KDM3A: variants seen among roughly 807,000 people sequenced by gnomAD.
KDM3A encodes lysine-specific demethylase 3A.
In KDM3A, 60 loss-of-function variants were observed where a neutral mutation model predicts 158.0. The ratio of observed to expected loss-of-function variants is 0.38; its 90% CI spans 0.31 to 0.47. KDM3A has a LOEUF of 0.47. Ranked by LOEUF, KDM3A falls within the 20% of genes least tolerant of loss-of-function variation. KDM3A has a pLI of 0.99. For synonymous variants in KDM3A, 608 were observed against 549.3 expected, an observed-to-expected ratio of 1.11 and a Z score of -1.49; for missense variants, 1,319 against 1,574.3, an observed-to-expected ratio of 0.84 and a Z score of 2.74.
At position 86,485,131 on chromosome 2, in the gene KDM3A, G is replaced by A. The variant is rs1674119191; in HGVS notation, c.3182+102G>A. Reference sequence around the variant, plus strand: ...AACAGTTTTCAAGAAAATAACAAAAGTTCTGTAATTATACTGCCACTGATT... The same window carrying A: ...AACAGTTTTCAAGAAAATAACAAAAATTCTGTAATTATACTGCCACTGATT... On this transcript the variant is annotated intron_variant, in intron 20 of 25. Coordinates refer to ENST00000312912, the MANE Select transcript of KDM3A (RefSeq NM_018433.6). The A allele has an allele frequency of 2.5e-5, 17 of 686,734 alleles. No homozygotes were observed. In the South Asian group the frequency reaches 2.6e-4, roughly 10 times the overall value. 42.5% of individuals were successfully genotyped at this position (686,734 alleles called of 1,614,324 possible). A position where few individuals can be genotyped will look rare whatever the true frequency, so the allele number is the denominator to read the frequency against.
intron 10 of KDM3A, among the ~76,000 whole-genome samples, chr2:86,467,831 G>A (rs1673223712): frequency 6.6e-6 from 1 of 152,032 alleles, no homozygotes; most frequent in South Asian, 2.1e-4. Flanking sequence ...GACCAGCCTG[G>A]GCAACATAGT....
intron 3 of KDM3A, 84 bp from the exon 4 acceptor site, chr2:86,451,019 T>C (rs1219053655): frequency 1.7e-5 from 14 of 822,072 alleles, no homozygotes; most frequent in Non-Finnish European, 2.5e-5. Flanking sequence ...TATCACTTTC[T>C]CTGTGTGTGG....
At chr2:86,465,962 AAAG>A (rs1673126256) in intron 9 of KDM3A, among the ~76,000 whole-genome samples, 2 of 151,280 alleles carry the variant, frequency 1.3e-5, no homozygotes, top group African/African-American at 4.8e-5. Flanking sequence ...AAAAAAGAAG[AAAG>A]AAAACTTTCG....
At chr2:86,489,716 C>A in intron 23 of KDM3A, 57 bp downstream of exon 23, 1 of 1,541,246 alleles carries the variant, frequency 6.5e-7, no homozygotes, top group Non-Finnish European at 8.8e-7. Context: ...TATTATGTTA[C>A]TACATGTGGT....
upstream of KDM3A, chr2:86,440,790 G>A (rs1262752551): frequency 6.6e-6 from 1 of 152,286 alleles, no homozygotes; most frequent in African/African-American, 2.4e-5. Flanking sequence ...CTGCGCACGA[G>A]CCTCCAGAGC....
chr2:86,465,614 G>T (rs182470192), intron 9 of KDM3A, among the ~76,000 whole-genome samples: 8 of 152,090 alleles, frequency 5.3e-5, no homozygotes, highest in African/African-American at 1.7e-4. Flanking sequence ...TTGCTATTTT[G>T]CCCAGTCTGG....
intron 2 of KDM3A, among the ~76,000 whole-genome samples, chr2:86,448,016 C>T (rs1350596057): frequency 6.6e-6 from 1 of 152,188 alleles, no homozygotes; most frequent in East Asian, 1.9e-4. Flanking sequence ...AGTCTCTGCC[C>T]ACCTTTATGA....
At chr2:86,486,555 T>G (rs1283432635) in intron 21 of KDM3A, among the ~76,000 whole-genome samples, 1 of 152,212 alleles carries the variant, frequency 6.6e-6, no homozygotes, top group African/African-American at 2.4e-5. Context: ...TGAATTTTAT[T>G]TACTCATTTT....
chr2:86,440,654 A>G (rs1682649436), upstream of KDM3A: 1 of 152,260 alleles, frequency 6.6e-6, no homozygotes, highest in African/African-American at 2.4e-5. Context: ...GTCATTATCC[A>G]GTAACTCCAC....
intron 9 of KDM3A, among the ~76,000 whole-genome samples, chr2:86,466,013 T>C (rs1036678841): frequency 2.6e-5 from 4 of 151,680 alleles, no homozygotes; most frequent in African/African-American, 7.3e-5. Context: ...TTGATACTTA[T>C]AAACCAGCTT....
At chr2:86,469,904 T>C (rs899880571) in intron 10 of KDM3A, among the ~76,000 whole-genome samples, 3 of 152,206 alleles carry the variant, frequency 2.0e-5, no homozygotes, top group Admixed American at 2.0e-4. Context: ...TCCTAAAATG[T>C]AGAGTTGTGA....
intron 15 of KDM3A, chr2:86,478,955 T>G: frequency 2.6e-6 from 1 of 378,750 alleles, no homozygotes; most frequent in East Asian, 4.3e-5. Context: ...CCTCTTGTAG[T>G]AGGTTTTACA....
chr2:86,487,597 C>T (rs1440349078), intron 21 of KDM3A: 2 of 152,160 alleles, frequency 1.3e-5, no homozygotes, highest in African/African-American at 4.8e-5. Flanking sequence ...GAAACTAGTA[C>T]TTAGATCTCC....
At chr2:86,469,078 A>G (rs1673284494) in intron 10 of KDM3A, among the ~76,000 whole-genome samples, 1 of 152,064 alleles carries the variant, frequency 6.6e-6, no homozygotes, top group Non-Finnish European at 1.5e-5. Flanking sequence ...TTCTTACTTT[A>G]CCTTCTCTTT....
chr2:86,473,163 CTTAT>C (rs1392176687), intron 11 of KDM3A, among the ~76,000 whole-genome samples: 1 of 152,088 alleles, frequency 6.6e-6, no homozygotes, highest in Non-Finnish European at 1.5e-5. Flanking sequence ...TATGTATTTA[CTTAT>C]TTATGTTTAG....
rs769800555 is a variant in KDM3A, at chr2:86,451,222, T to C, written c.453+9T>C. ...TTTTGAAGCCTATACAGGTAAAACA[T>C]AGAAACAGTAGTAAACATTAGAAAC... is the stretch of plus-strand genomic sequence containing the variant. On this transcript the variant is annotated intron_variant, in intron 4 of 25. Transcript: ENST00000312912. 3.3e-5 allele frequency: 50 copies of C among 1,496,786 alleles called. 3 individuals carry two copies. In the South Asian group the frequency reaches 5.5e-4, roughly 16 times the overall value. The allele number at this position is 1,496,786 out of a possible 1,614,324, so 92.7% of individuals were successfully genotyped here. A position where few individuals can be genotyped will look rare whatever the true frequency, so the allele number is the denominator to read the frequency against.
rs1673342098 is a variant in KDM3A at position 86,470,266 on chromosome 2, G to A, written c.1582G>A (p.Glu528Lys). Residue 528 changes from glutamate to lysine, a missense_variant, in exon 11 of 26, where the codon GAG becomes AAG. Glu to Lys is a moderately conservative substitution (Grantham distance 56, BLOSUM62 1). Coordinates refer to ENST00000312912, the MANE Select transcript of KDM3A (RefSeq NM_018433.6). The part of the protein sequence containing the change: ...AKLKKLQQSG[E>K]AFVQDDSCVN... ...ACTCAAAAAGCTGCAACAGAGTGGC[G>A]AGGCCTTCGTACAGGATGATTCTTG... is the stretch of plus-strand genomic sequence containing the variant. The A allele has an allele frequency of 5.0e-6, 8 of 1,613,966 alleles. No homozygotes were observed. Among genetic ancestry groups the A allele is most frequent in the African/African-American group, 1.3e-5 (1 of 74,898 alleles).
At chr2:86,482,389 T>C (rs1245960632) in intron 17 of KDM3A, 69 bp from the exon 18 acceptor site, 1 of 1,575,326 alleles carries the variant, frequency 6.3e-7, no homozygotes, top group Non-Finnish European at 8.6e-7. Context: ...CTATACTCAT[T>C]ATGGGAATGG....
intron 2 of KDM3A, among the ~76,000 whole-genome samples, chr2:86,446,023 A>G (rs1345692081): frequency 6.6e-6 from 1 of 152,216 alleles, no homozygotes; most frequent in East Asian, 1.9e-4. Context: ...CTTTATAATC[A>G]TATAGTCAGG....
Sources: allele counts gnomAD v4.1 joint callset (sites outside exome capture counted in the v4.1 genomes callset), GRCh38; gene constraint gnomAD v4.1.1; transcripts MANE v1.5; gene names NCBI Gene and HGNC (gene_info 2026-07-23, HGNC 2026-07-21).